Variants in DYRK3 observed in about 807,000 individuals in gnomAD.
DYRK3 encodes dual specificity tyrosine-phosphorylation-regulated kinase 3.
A neutral mutation model predicts 40.8 loss-of-function variants in DYRK3; 30 were observed. That is an observed-to-expected ratio of 0.74 (90% CI 0.55 to 1.00). DYRK3 has a LOEUF of 1.00. Ranked by LOEUF, DYRK3 falls within the 50% of genes least tolerant of loss-of-function variation. The pLI is 0.00. For synonymous variants in DYRK3, 272 were observed against 260.7 expected, an observed-to-expected ratio of 1.04 and a Z score of -0.42; for missense variants, 699 against 731.5, an observed-to-expected ratio of 0.96 and a Z score of 0.51.
In DYRK3 at chr1:206,648,114, G is replaced by T; in HGVS notation, c.916G>T (p.Gly306Cys). Residue 306 changes from glycine to cysteine, a missense_variant, in exon 3 of 3, where the codon GGT becomes TGT. Gly to Cys is a radical substitution (Grantham distance 159, BLOSUM62 -3). Transcript: ENST00000367109. Reference sequence around the variant, plus strand: ...GCTGATTAAAAAAAATAAGTTTCAGGGTTTTAGCGTCCAGTTGGTACGCAA... The same window carrying T: ...GCTGATTAAAAAAAATAAGTTTCAGTGTTTTAGCGTCCAGTTGGTACGCAA... ...YELIKKNKFQ[G>C]FSVQLVRKFA... The T allele has an allele frequency of 6.2e-7, 1 of 1,614,044 alleles. No homozygotes were observed. Among genetic ancestry groups the T allele is most frequent in the Non-Finnish European group, 8.5e-7 (1 of 1,180,010 alleles).
Position 206,648,161 on chromosome 1 carries a change from A to G in DYRK3, c.963A>G (p.Gln321=), listed in dbSNP as rs143076249. Residue 321 remains glutamine (Q), a synonymous_variant, in exon 3 of 3, where the codon CAA becomes CAG. Coordinates refer to ENST00000367109, the MANE Select transcript of DYRK3 (RefSeq NM_003582.4). Reference sequence around the variant, plus strand: ...GCAAGTTTGCCCAGTCCATCTTGCAATCTTTGGATGCCCTCCACAAAAATA... The same window carrying G: ...GCAAGTTTGCCCAGTCCATCTTGCAGTCTTTGGATGCCCTCCACAAAAATA... The part of the protein sequence containing the change: ...LVRKFAQSIL[Q]SLDALHKNKI... 1.4e-4 allele frequency: 226 copies of G among 1,614,150 alleles called. No individual in the cohort carries two copies. Among genetic ancestry groups the G allele is most frequent in the Non-Finnish European group, 1.4e-4 (166 of 1,180,034 alleles).
In DYRK3 at chr1:206,649,843, A is replaced by G. The variant is rs369910620; in HGVS notation, c.*878A>G. ...CATTTTCATAGAATCTCTTCCTTAT[A>G]AAAGTAATCACTCTCGGATAAACCT... On this transcript the variant is annotated 3_prime_UTR_variant, in exon 3 of 3. Coordinates refer to ENST00000367109, the MANE Select transcript of DYRK3 (RefSeq NM_003582.4). Among the ~76,000 whole-genome samples the G allele has an allele frequency of 2.6e-5, 4 of 152,180 alleles. No homozygotes were observed. The highest frequency in any genetic ancestry group is 6.5e-5 in the Admixed American group (1 of 15,280).
At chr1:206,646,436 A>G (rs1553420127) in intron 2 of DYRK3, among the ~76,000 whole-genome samples, 1 of 152,166 alleles carries the variant, frequency 6.6e-6, no homozygotes, top group Non-Finnish European at 1.5e-5. Context: ...AGATTGTGGA[A>G]AACCTGGTGA....
intron 2 of DYRK3, among the ~76,000 whole-genome samples, chr1:206,641,445 GTA>G (rs10633836): frequency 6.8e-6 from 1 of 148,038 alleles, no homozygotes; most frequent in African/African-American, 2.5e-5. Context: ...GTATTCTATG[GTA>G]TATATATATA....
At chr1:206,644,031 C>CTTTATTTTTT (rs1671373793) in intron 2 of DYRK3, among the ~76,000 whole-genome samples, 1 of 101,050 alleles carries the variant, frequency 9.9e-6, no homozygotes, top group Non-Finnish European at 1.9e-5. Context: ...GGACCTACAG[C>CTTTATTTTTT]TTTTTTTTTT....
intron 2 of DYRK3, among the ~76,000 whole-genome samples, chr1:206,644,115 A>G (rs1327023153): frequency 1.4e-5 from 2 of 143,430 alleles, no homozygotes; most frequent in Non-Finnish European, 3.0e-5. Context: ...GCCCACTGCA[A>G]CCTCTGCCTC....
chr1:206,647,728 A>C lies in DYRK3; in HGVS notation c.530A>C (p.Lys177Thr). The C allele has an allele frequency of 6.2e-7, 1 of 1,614,170 alleles. No individual in the cohort carries two copies. Among genetic ancestry groups the C allele is most frequent in the Non-Finnish European group, 8.5e-7 (1 of 1,180,024 alleles). ...TACTTTGTAGGTCCAAATGCCAAGA[A>C]AAGACATGGAGTTATTGGTGGTCCC... ...EIYFVGPNAK[K>T]RHGVIGGPNN... The change falls in exon 3 of 3, where the codon AAA becomes ACA. Residue 177 changes from lysine to threonine, a missense_variant. By Grantham distance (78) the Lys-to-Thr change is moderately conservative. Transcript: ENST00000367109.
chr1:206,645,383 T>C (rs994640287), intron 2 of DYRK3, among the ~76,000 whole-genome samples: 1 of 152,168 alleles, frequency 6.6e-6, no homozygotes, highest in Admixed American at 6.5e-5. Flanking sequence ...CAGGGTCCAT[T>C]GAGAAAAACA....
intron 2 of DYRK3, among the ~76,000 whole-genome samples, chr1:206,644,560 A>G (rs1671394218): frequency 6.6e-6 from 1 of 152,202 alleles, no homozygotes; most frequent in Non-Finnish European, 1.5e-5. Context: ...TAGTTCCACC[A>G]AATTTATTCC....
rs1186461703 is a variant in DYRK3 at position 206,649,554 on chromosome 1, A to G, written c.*589A>G. 6.6e-6 allele frequency among the ~76,000 whole-genome samples: 1 copy of G among 152,148 alleles called. No individual in the cohort carries two copies. The highest frequency in any genetic ancestry group is 1.5e-5 in the Non-Finnish European group (1 of 68,012). ...CAGTTCTCTGATGTTTGGTGTTATT[A>G]TTTTATGTTGTTATTTTGCCTCTGA... On this transcript the variant is annotated 3_prime_UTR_variant, in exon 3 of 3. Transcript: ENST00000367109.
At position 206,648,726 on chromosome 1, in the gene DYRK3, C is replaced by G. The variant is rs200378422; in HGVS notation, c.1528C>G (p.Arg510Gly). ...KRCLHWDPSARLTPAQALRHP... is the reference protein window; with the variant it reads ...KRCLHWDPSAGLTPAQALRHP... ...GTGTCTTCACTGGGACCCCTCTGCC[C>G]GCTTGACCCCAGCTCAAGCATTAAG... The change falls in exon 3 of 3, where the codon CGC becomes GGC. Residue 510 changes from arginine (R) to glycine (G), a missense_variant. Transcript: ENST00000367109. The G allele has an allele frequency of 3.7e-6, 6 of 1,613,984 alleles. No individual in the cohort carries two copies. Among genetic ancestry groups the G allele is most frequent in the Admixed American group, 1.7e-5 (1 of 60,014 alleles).
In DYRK3 at chr1:206,648,809, A is replaced by C. The variant is rs199768627; in HGVS notation, c.1611A>C (p.Ser537=). 2 of 1,614,230 alleles carry C rather than the reference A, an allele frequency of 1.2e-6. No homozygotes were observed. The highest frequency in any genetic ancestry group is 2.7e-5 in the African/African-American group (2 of 75,062). ...PRPLTTIDKV[S]GKRVVNPASA... ...CTCTCACCACCATAGACAAGGTGTC[A>C]GGGAAACGGGTAGTTAATCCTGCAA... The change falls in exon 3 of 3, where the codon TCA becomes TCC. Residue 537 remains serine (S), a synonymous_variant. Transcript: ENST00000367109.
At chr1:206,638,284 T>G (rs1002327920) in intron 2 of DYRK3, among the ~76,000 whole-genome samples, 68 of 146,910 alleles carry the variant, frequency 4.6e-4, no homozygotes, top group African/African-American at 1.7e-3. Flanking sequence ...TTTTTTTTTT[T>G]TTTTTTTTTT....
Position 206,650,691 on chromosome 1 carries a change from G to T in DYRK3, c.*1726G>T, listed in dbSNP as rs891153866. Among the ~76,000 whole-genome samples, 1 of 152,124 alleles carries T rather than the reference G, an allele frequency of 6.6e-6. No individual in the cohort carries two copies. Among genetic ancestry groups the T allele is most frequent in the African/African-American group, 2.4e-5 (1 of 41,394 alleles). On this transcript the variant is annotated 3_prime_UTR_variant, in exon 3 of 3. Transcript: ENST00000367109. ...AGACTCTTTTTGTTGGGCAGTGTAG[G>T]AACAAGAAAAGAAAATAAAAATGCC...
At chr1:206,639,554 C>G (rs959645539) in intron 2 of DYRK3, among the ~76,000 whole-genome samples, 38 of 150,650 alleles carry the variant, frequency 2.5e-4, no homozygotes, top group Non-Finnish European at 5.2e-4. Flanking sequence ...TGCAACCTCC[C>G]GGGTTCAAGT....
Position 206,647,970 on chromosome 1 carries a change from G to A in DYRK3, c.772G>A (p.Glu258Lys), listed in dbSNP as rs1553420492. ...RQAAEEIRIL[E>K]HLKKQDKTGS... ...AGCAGCTGAGGAGATCCGGATTTTGGAGCATCTTAAGAAACAGGATAAAAC... is the reference window on the plus strand; with the variant it reads ...AGCAGCTGAGGAGATCCGGATTTTGAAGCATCTTAAGAAACAGGATAAAAC... The change falls in exon 3 of 3, where the codon GAG becomes AAG. Residue 258 changes from glutamate (E) to lysine (K), a missense_variant. Physicochemically the swap from Glu to Lys is moderately conservative, Grantham distance 56 (BLOSUM62 1). Transcript: ENST00000367109. The A allele has an allele frequency of 2.5e-6, 4 of 1,614,066 alleles. No individual in the cohort carries two copies. Among genetic ancestry groups the A allele is most frequent in the Non-Finnish European group, 3.4e-6 (4 of 1,180,034 alleles).
chr1:206,653,989 T>C lies in DYRK3; in HGVS notation c.*5024T>C, dbSNP rs1671694586. Among the ~76,000 whole-genome samples the C allele has an allele frequency of 6.6e-6, 1 of 152,240 alleles. No individual in the cohort carries two copies. Among genetic ancestry groups the C allele is most frequent in the Non-Finnish European group, 1.5e-5 (1 of 68,036 alleles). On this transcript the variant is annotated 3_prime_UTR_variant, in exon 3 of 3. Coordinates refer to ENST00000367109, the MANE Select transcript of DYRK3 (RefSeq NM_003582.4). ...AATTTCTACTGTGAAACTATTTCAA[T>C]CTGTAGCAGCTGGTCATGTTAAAAC...
chr1:206,636,324 G>T, intron 1 of DYRK3: 1 of 172,722 alleles, frequency 5.8e-6, no homozygotes, highest in South Asian at 1.0e-4. Context: ...AGAGACCCTT[G>T]CTCCCCGCTT....
Position 206,648,547 on chromosome 1 carries a change from G to C in DYRK3, c.1349G>C (p.Arg450Pro). 1 of 1,614,120 alleles carries C rather than the reference G, an allele frequency of 6.2e-7. No individual in the cohort carries two copies. Among genetic ancestry groups the C allele is most frequent in the Non-Finnish European group, 8.5e-7 (1 of 1,180,022 alleles). Reference sequence around the variant, plus strand: ...TTTATTAATTCCAAGGGCATACCCCGCTACTGCTCTGTGACTACCCAGGCA... The same window carrying C: ...TTTATTAATTCCAAGGGCATACCCCCCTACTGCTCTGTGACTACCCAGGCA... ...KYFINSKGIP[R>P]YCSVTTQADG... is the part of the protein sequence containing the mutation. Residue 450 changes from arginine (R) to proline (P), a missense_variant, in exon 3 of 3, where the codon CGC becomes CCC. By Grantham distance (103) the Arg-to-Pro change is moderately radical. Transcript: ENST00000367109.
Sources: allele counts gnomAD v4.1 joint callset (sites outside exome capture counted in the v4.1 genomes callset), GRCh38; gene constraint gnomAD v4.1.1; transcripts MANE v1.5; gene names NCBI Gene and HGNC (gene_info 2026-07-23, HGNC 2026-07-21).